Variants in KCNQ3 observed in about 807,000 individuals in gnomAD.
KCNQ3 encodes potassium voltage-gated channel subfamily KQT member 3.
A neutral mutation model predicts 92.5 loss-of-function variants in KCNQ3; 30 were observed. That is an observed-to-expected ratio of 0.32 (90% CI 0.24 to 0.44). The LOEUF is 0.44. Among genes scored for constraint, KCNQ3 ranks in the 20% least tolerant of loss-of-function variants. KCNQ3 has a pLI of 1.00. For missense variants in KCNQ3, 913 were observed against 1,140.3 expected (o/e 0.80, Z 2.87); for synonymous variants, 450 against 468.8 (o/e 0.96, Z 0.52).
chr8:132,355,654 GGATGA>G, intron 1 of KCNQ3, among the ~76,000 whole-genome samples: 1 of 152,242 alleles, frequency 6.6e-6, no homozygotes, highest in East Asian at 1.9e-4. Context: ...AGAGAAAAAG[GGATGA>G]GAAGGGGAAT....
intron 1 of KCNQ3, among the ~76,000 whole-genome samples, chr8:132,371,353 G>A (rs768317615): frequency 4.6e-5 from 7 of 152,130 alleles, no homozygotes; most frequent in Non-Finnish European, 8.8e-5. Flanking sequence ...ATGATCTACT[G>A]GAAATGATAC....
intron 1 of KCNQ3, among the ~76,000 whole-genome samples, chr8:132,311,786 C>A (rs1275063942): frequency 6.6e-6 from 1 of 152,178 alleles, no homozygotes; most frequent in Non-Finnish European, 1.5e-5. Flanking sequence ...CCCTACCAGG[C>A]AGAGAGGTGC....
chr8:132,294,000 G>GTGTTTTTTTTTTTGTTGTTT (rs1816939658), intron 1 of KCNQ3, among the ~76,000 whole-genome samples: 9 of 124,176 alleles, frequency 7.2e-5, no homozygotes, highest in African/African-American at 2.8e-4. Context: ...TGTGTGTGTG[G>GTGTTTTTTTTTTTGTTGTTT]TTTTTTTTTT....
At chr8:132,334,993 TCTTCCTTC>T (rs68135959) in intron 1 of KCNQ3, among the ~76,000 whole-genome samples, 8,280 of 149,562 alleles carry the variant, frequency 0.055, 491 homozygotes, top group African/African-American at 0.12. Context: ...TAGACATTTT[TCTTCCTTC>T]CTTCCTTCCT....
intron 12 of KCNQ3, among the ~76,000 whole-genome samples, chr8:132,137,673 C>T (rs1281491564): frequency 6.6e-6 from 1 of 152,226 alleles, no homozygotes; most frequent in Non-Finnish European, 1.5e-5. Context: ...GATCAGGGTG[C>T]TGACCTTGGC....
chr8:132,220,190 T>C (rs1814178858), intron 1 of KCNQ3, among the ~76,000 whole-genome samples: 5 of 152,120 alleles, frequency 3.3e-5, no homozygotes, highest in Admixed American at 3.3e-4. Context: ...AAGAAAGGCA[T>C]GCAGACTGGG....
At chr8:132,467,288 A>G (rs947966753) in intron 1 of KCNQ3, among the ~76,000 whole-genome samples, 2 of 152,194 alleles carry the variant, frequency 1.3e-5, no homozygotes, top group Non-Finnish European at 2.9e-5. Flanking sequence ...AAATAACACT[A>G]CAAATAAATG....
intron 1 of KCNQ3, among the ~76,000 whole-genome samples, chr8:132,298,636 A>G (rs2016777): frequency 0.048 from 7,241 of 152,314 alleles, 259 homozygotes; most frequent in East Asian, 0.16. Context: ...GGCCGGGCAC[A>G]GTGGCTCATG....
intron 1 of KCNQ3, among the ~76,000 whole-genome samples, chr8:132,231,487 TAAAG>T (rs941822467): frequency 6.6e-6 from 1 of 152,190 alleles, no homozygotes; most frequent in Non-Finnish European, 1.5e-5. Context: ...TAGGGTTAAA[TAAAG>T]ACACAAAGGT....
intron 1 of KCNQ3, among the ~76,000 whole-genome samples, chr8:132,269,572 T>C (rs1180980212): frequency 6.6e-6 from 1 of 152,214 alleles, no homozygotes. Context: ...TTGAAAGACA[T>C]GTTTTTTTAC....
At chr8:132,333,860 A>C (rs929041391) in intron 1 of KCNQ3, among the ~76,000 whole-genome samples, 5 of 151,872 alleles carry the variant, frequency 3.3e-5, no homozygotes, top group African/African-American at 1.2e-4. Flanking sequence ...CAGGCTTTGG[A>C]ACAGCTGGGA....
intron 1 of KCNQ3, among the ~76,000 whole-genome samples, chr8:132,444,419 G>A (rs1191242058): frequency 3.3e-5 from 5 of 152,164 alleles, no homozygotes; most frequent in Non-Finnish European, 5.9e-5. Context: ...TTGAATCAAG[G>A]ATTTTATTCC....
At chr8:132,363,514 A>T (rs977313028) in intron 1 of KCNQ3, among the ~76,000 whole-genome samples, 1 of 152,112 alleles carries the variant, frequency 6.6e-6, no homozygotes, top group Non-Finnish European at 1.5e-5. Flanking sequence ...ATATTTACAT[A>T]AAGAAGACCC....
chr8:132,371,357 A>G (rs1408322171), intron 1 of KCNQ3, among the ~76,000 whole-genome samples: 1 of 152,206 alleles, frequency 6.6e-6, no homozygotes, highest in African/African-American at 2.4e-5. Flanking sequence ...TCTACTGGAA[A>G]TGATACTGAA....
At chr8:132,215,956 C>T (rs553745461) in intron 1 of KCNQ3, among the ~76,000 whole-genome samples, 6 of 152,104 alleles carry the variant, frequency 3.9e-5, no homozygotes, top group South Asian at 2.1e-4. Flanking sequence ...GGGAACTCAA[C>T]GTAAGATAAA....
chr8:132,205,105 C>T (rs1813615694), intron 1 of KCNQ3, among the ~76,000 whole-genome samples: 1 of 152,148 alleles, frequency 6.6e-6, no homozygotes, highest in Non-Finnish European at 1.5e-5. Context: ...TTGATGTCTT[C>T]CTAATTTCTT....
At chr8:132,261,663 G>C (rs1815792314) in intron 1 of KCNQ3, among the ~76,000 whole-genome samples, 1 of 152,220 alleles carries the variant, frequency 6.6e-6, no homozygotes, top group Non-Finnish European at 1.5e-5. Context: ...AGCAACAGCA[G>C]AGACAGTCTG....
intron 1 of KCNQ3, among the ~76,000 whole-genome samples, chr8:132,284,492 T>TC (rs1281553029): frequency 6.6e-6 from 1 of 151,864 alleles, no homozygotes; most frequent in African/African-American, 2.4e-5. Flanking sequence ...CTATAGATTT[T>TC]TTTTTTATCT....
chr8:132,337,767 C>T (rs927724824), intron 1 of KCNQ3, among the ~76,000 whole-genome samples: 3 of 152,138 alleles, frequency 2.0e-5, no homozygotes, highest in Non-Finnish European at 4.4e-5. Flanking sequence ...AATCAATGTG[C>T]CTAGGCCCAT....
Sources: gnomAD v4.1 joint callset for allele counts (sites outside exome capture counted in the v4.1 genomes callset) on GRCh38, gnomAD v4.1.1 for gene constraint, MANE v1.5 for transcripts, NCBI Gene and HGNC (gene_info 2026-07-23, HGNC 2026-07-21) for gene names.